Variants in ALPK1 observed in about 807,000 individuals in gnomAD.
The protein encoded by ALPK1 is alpha-protein kinase 1.
Under a neutral mutation model 120.6 loss-of-function variants are expected in ALPK1, and 110 were observed. The ratio of observed to expected loss-of-function variants is 0.91; its 90% CI spans 0.78 to 1.07. The LOEUF is 1.07. Among genes scored for constraint, ALPK1 ranks in the 50% least tolerant of loss-of-function variants. The pLI is 0.00. For missense variants in ALPK1, 1,498 were observed against 1,483.9 expected, an observed-to-expected ratio of 1.01 and a Z score of -0.16; for synonymous variants, 582 against 560.3, an observed-to-expected ratio of 1.04 and a Z score of -0.55.
In ALPK1 at chr4:112,427,635, A is replaced by G. The variant is rs1340716120; in HGVS notation, c.765A>G (p.Glu255=). The part of the protein sequence containing the change: ...IFVSMSKNDY[E]KFKNNPQINL... ...TTTCCATGAGCAAGAACGATTATGA[A>G]AAGTTTAAAAACAATCCACAAATTA... The change falls in exon 9 of 16, where the codon GAA becomes GAG. Residue 255 remains glutamate, a synonymous_variant. Transcript: ENST00000650871. 6.2e-7 allele frequency: 1 copy of G among 1,613,886 alleles called. No homozygotes were observed. The highest frequency in any genetic ancestry group is 1.7e-5 in the Admixed American group (1 of 60,026).
chr4:112,302,840 C>G (rs376971374), intron 1 of ALPK1, among the ~76,000 whole-genome samples: 21 of 152,200 alleles, frequency 1.4e-4, no homozygotes, highest in African/African-American at 4.6e-4. Flanking sequence ...AGACAAGCCT[C>G]TACTCCTCGG....
At chr4:112,323,410 C>T (rs1350903680) in intron 2 of ALPK1, among the ~76,000 whole-genome samples, 1 of 152,150 alleles carries the variant, frequency 6.6e-6, no homozygotes, top group Admixed American at 6.5e-5. Context: ...ACCCTGAGCC[C>T]TAAAATTCCA....
rs2148762556 is a variant in ALPK1, at chr4:112,431,026, A to T, written c.1479A>T (p.Leu493=). The change falls in exon 11 of 16, where the codon CTA becomes CTT. Residue 493 remains leucine, a synonymous_variant. Transcript: ENST00000650871. ...DAKTGVCITA[L]KTEIKNIDTV... ...AAACAGGAGTCTGCATCACTGCTCT[A>T]AAAACAGAAATAAAAAACATAGATA... The T allele has an allele frequency of 6.2e-7, 1 of 1,613,242 alleles. No individual in the cohort carries two copies. The highest frequency in any genetic ancestry group is 2.2e-5 in the East Asian group (1 of 44,896).
intron 2 of ALPK1, among the ~76,000 whole-genome samples, chr4:112,330,225 G>T (rs1362885017): frequency 7.2e-5 from 11 of 152,206 alleles, no homozygotes; most frequent in Admixed American, 7.2e-4. Flanking sequence ...GTAAAGGGGT[G>T]TGTATAAGTT....
intron 3 of ALPK1, 55 bp from the exon 4 acceptor site, chr4:112,382,343 C>A: frequency 7.0e-7 from 1 of 1,423,998 alleles, no homozygotes; most frequent in Non-Finnish European, 9.6e-7. Flanking sequence ...ACATTGGTAG[C>A]TCAACAGCCT....
At chr4:112,310,948 G>A (rs1422617393) in intron 1 of ALPK1, among the ~76,000 whole-genome samples, 2 of 151,324 alleles carry the variant, frequency 1.3e-5, no homozygotes, top group Non-Finnish European at 2.9e-5. Context: ...GAATCGAAAG[G>A]GACTTTAAAG....
In ALPK1 at chr4:112,432,397, T is replaced by C; in HGVS notation, c.2850T>C (p.Tyr950=). 6.2e-7 allele frequency: 1 copy of C among 1,614,184 alleles called. No individual in the cohort carries two copies. The highest frequency in any genetic ancestry group is 8.5e-7 in the Non-Finnish European group (1 of 1,180,028). The change falls in exon 11 of 16, where the codon TAT becomes TAC. Residue 950 remains tyrosine (Y), a synonymous_variant. Coordinates refer to ENST00000650871, the MANE Select transcript of ALPK1 (RefSeq NM_025144.4). The stretch of plus-strand genomic sequence containing the variant: ...CTGAGGGGGACAGCCCTTGGTCCTA[T>C]CTGAATTCCAGTGGGAGTTCTTGGG... The part of the protein sequence containing the change: ...GSSEGDSPWS[Y]LNSSGSSWVS...
Position 112,442,502 on chromosome 4 carries a change from A to G in ALPK1, c.*1292A>G, listed in dbSNP as rs895683109. On this transcript the variant is annotated 3_prime_UTR_variant, in exon 16 of 16. Coordinates refer to ENST00000650871, the MANE Select transcript of ALPK1 (RefSeq NM_025144.4). ...GGGAGGAGGGAGAGGATCAGGAAAA[A>G]TAACTAATGGGTACTAGGCTGAATA... 1.3e-5 allele frequency: 2 copies of G among 152,140 alleles called. No homozygotes were observed. Among genetic ancestry groups the G allele is most frequent in the African/African-American group, 4.8e-5 (2 of 41,408 alleles). The allele number at this position is 152,140 out of a possible 1,614,324, so 9.4% of individuals were successfully genotyped here.
At chr4:112,372,762 C>A (rs1443432498) in intron 2 of ALPK1, among the ~76,000 whole-genome samples, 1 of 151,972 alleles carries the variant, frequency 6.6e-6, no homozygotes, top group Non-Finnish European at 1.5e-5. Flanking sequence ...ATCCTTTGAC[C>A]AACACCCTCC....
intron 5 of ALPK1, 70 bp from the exon 6 acceptor site, chr4:112,423,874 C>A: frequency 1.3e-6 from 2 of 1,487,676 alleles, no homozygotes; most frequent in Non-Finnish European, 1.9e-6. Flanking sequence ...AGTCTTAGAA[C>A]ATGAACAACT....
At chr4:112,386,075 G>C (rs1264980412) in intron 4 of ALPK1, among the ~76,000 whole-genome samples, 2 of 152,208 alleles carry the variant, frequency 1.3e-5, no homozygotes, top group Non-Finnish European at 2.9e-5. Context: ...CACAGTTCAT[G>C]AGTTGGTAAA....
At chr4:112,386,737 A>G (rs1244252595) in intron 4 of ALPK1, among the ~76,000 whole-genome samples, 1 of 152,170 alleles carries the variant, frequency 6.6e-6, no homozygotes, top group Non-Finnish European at 1.5e-5. Context: ...TTCCAGCACC[A>G]TTGTACTGTG....
intron 4 of ALPK1, among the ~76,000 whole-genome samples, chr4:112,403,826 C>T (rs1215663346): frequency 6.6e-6 from 1 of 152,182 alleles, no homozygotes; most frequent in Non-Finnish European, 1.5e-5. Flanking sequence ...AGGTCACCCT[C>T]TCTCAGGCTT....
At chr4:112,407,981 C>T (rs1262942209) in intron 4 of ALPK1, among the ~76,000 whole-genome samples, 1 of 151,924 alleles carries the variant, frequency 6.6e-6, no homozygotes, top group Non-Finnish European at 1.5e-5. Context: ...GTGGCGTGCA[C>T]CTGTAGTCCC....
intron 5 of ALPK1, chr4:112,412,271 A>G (rs1733517173): frequency 1.6e-6 from 1 of 633,420 alleles, no homozygotes; most frequent in Non-Finnish European, 2.9e-6. Flanking sequence ...TGTGGAAAAT[A>G]CTAATTGGAG....
intron 6 of ALPK1, among the ~76,000 whole-genome samples, chr4:112,424,341 A>G (rs756318402): frequency 6.6e-6 from 1 of 152,250 alleles, no homozygotes; most frequent in Non-Finnish European, 1.5e-5. Context: ...CAAAATTGTG[A>G]TTGGAAATAA....
intron 2 of ALPK1, chr4:112,357,408 G>C: frequency 1.4e-6 from 1 of 692,296 alleles, no homozygotes; most frequent in Non-Finnish European, 2.6e-6. Context: ...CCTGATGCCA[G>C]TCACCAGAGG....
chr4:112,394,366 T>C (rs1480279086), intron 4 of ALPK1, among the ~76,000 whole-genome samples: 1 of 152,230 alleles, frequency 6.6e-6, no homozygotes, highest in Non-Finnish European at 1.5e-5. Flanking sequence ...ATAATCAACA[T>C]TTAAAACTTG....
At chr4:112,308,084 C>T (rs1728200117) in intron 1 of ALPK1, among the ~76,000 whole-genome samples, 1 of 152,140 alleles carries the variant, frequency 6.6e-6, no homozygotes, top group African/African-American at 2.4e-5. Flanking sequence ...CCCCCACTCT[C>T]TTCTGGCTTG....
Sources: gnomAD v4.1 joint callset for allele counts (sites outside exome capture counted in the v4.1 genomes callset) on GRCh38, gnomAD v4.1.1 for gene constraint, MANE v1.5 for transcripts, NCBI Gene and HGNC (gene_info 2026-07-23, HGNC 2026-07-21) for gene names.